SEMA3A: variants seen among roughly 807,000 people sequenced by gnomAD.
SEMA3A encodes semaphorin-3A.
In SEMA3A, 29 loss-of-function variants were observed where a neutral mutation model predicts 97.9. That is an observed-to-expected ratio of 0.30 (90% CI 0.22 to 0.40). The LOEUF (loss-of-function observed/expected upper bound fraction) is 0.40, where lower values mean the gene tolerates loss of function less well. Ranked by LOEUF, SEMA3A falls within the 10% of genes least tolerant of loss-of-function variation. SEMA3A has a pLI of 1.00. For synonymous variants in SEMA3A, 321 were observed against 323.7 expected (o/e 0.99, Z 0.09); for missense variants, 763 against 951.3 (o/e 0.80, Z 2.60).
intron 1 of SEMA3A, among the ~76,000 whole-genome samples, chr7:84,461,449 T>A (rs563290047): frequency 7.1e-6 from 1 of 140,646 alleles, no homozygotes; most frequent in Non-Finnish European, 1.5e-5. Context: ...TTTTGATGCA[T>A]AAATACTTGG....
intron 3 of SEMA3A, chr7:84,307,186 G>A (rs1801181888): frequency 6.6e-6 from 1 of 152,070 alleles, no homozygotes; most frequent in African/African-American, 2.4e-5. Flanking sequence ...ATGCCAATGT[G>A]TATAAGTTTA....
intron 1 of SEMA3A, among the ~76,000 whole-genome samples, chr7:84,379,948 T>C (rs1266094561): frequency 6.6e-6 from 1 of 152,160 alleles, no homozygotes; most frequent in Non-Finnish European, 1.5e-5. Context: ...CTATTTTAAT[T>C]CAAATATTAA....
At chr7:84,383,924 T>C (rs1228035001) in intron 1 of SEMA3A, among the ~76,000 whole-genome samples, 2 of 152,224 alleles carry the variant, frequency 1.3e-5, no homozygotes, top group Non-Finnish European at 2.9e-5. Flanking sequence ...TGATCATGAA[T>C]TATTTAAGAG....
intron 4 of SEMA3A, among the ~76,000 whole-genome samples, chr7:84,069,467 T>A (rs562535797): frequency 1.3e-5 from 2 of 152,266 alleles, no homozygotes; most frequent in African/African-American, 4.8e-5. Context: ...AAATATCTTA[T>A]GTCACAGTAG....
chr7:84,024,403 G>A (rs923516102), intron 6 of SEMA3A, among the ~76,000 whole-genome samples: 1 of 151,530 alleles, frequency 6.6e-6, no homozygotes, highest in South Asian at 2.1e-4. Context: ...AAAATTAGAC[G>A]AGTATGGTGG....
intron 3 of SEMA3A, among the ~76,000 whole-genome samples, chr7:84,120,354 T>C (rs1243128679): frequency 6.6e-6 from 1 of 152,186 alleles, no homozygotes; most frequent in African/African-American, 2.4e-5. Context: ...GTTTAATTAC[T>C]TGAAAAGAAA....
intron 1 of SEMA3A, among the ~76,000 whole-genome samples, chr7:84,427,309 A>G (rs1804852891): frequency 6.6e-6 from 1 of 152,152 alleles, no homozygotes; most frequent in Admixed American, 6.6e-5. Context: ...ATGACTAGGA[A>G]TTACAAAGGC....
intron 3 of SEMA3A, among the ~76,000 whole-genome samples, chr7:84,276,132 A>G (rs896411666): frequency 1.3e-5 from 2 of 151,988 alleles, no homozygotes; most frequent in Non-Finnish European, 2.9e-5. Context: ...CCCAACATCT[A>G]TTCTTTAATT....
chr7:84,373,337 C>G (rs868136357), intron 1 of SEMA3A, among the ~76,000 whole-genome samples: 35 of 152,306 alleles, frequency 2.3e-4, no homozygotes, highest in African/African-American at 8.4e-4. Context: ...TCATCTACAA[C>G]CTTGCCCAAA....
chr7:84,397,356 A>T (rs1185646568), intron 1 of SEMA3A, among the ~76,000 whole-genome samples: 1 of 150,068 alleles, frequency 6.7e-6, no homozygotes, highest in African/African-American at 2.4e-5. Flanking sequence ...AATGTTTCTC[A>T]AATCTATGCA....
In SEMA3A at chr7:84,007,392, C is replaced by T; in HGVS notation, c.1101G>A (p.Val367=). 2 of 1,609,896 alleles carry T rather than the reference C, an allele frequency of 1.2e-6. No homozygotes were observed. Among genetic ancestry groups the T allele is most frequent in the Non-Finnish European group, 1.7e-6 (2 of 1,178,004 alleles). The change falls in exon 10 of 17, where the codon GTG becomes GTA. Residue 367 remains valine, a synonymous_variant. Transcript: ENST00000265362. The stretch of plus-strand genomic sequence containing the variant: ...GATAGGGGACTCTTCCTTGATAAGG[C>T]ACCCATTGATAGTTGGGTCCATCCC... ...AHRDGPNYQW[V]PYQGRVPYPR...
At chr7:84,369,866 C>T (rs866411582) in intron 2 of SEMA3A, among the ~76,000 whole-genome samples, 36 of 149,136 alleles carry the variant, frequency 2.4e-4, no homozygotes, top group African/African-American at 9.0e-4. Flanking sequence ...TACTAATTTT[C>T]TTTCAGATCA....
chr7:84,420,743 T>C (rs576680714), intron 1 of SEMA3A, among the ~76,000 whole-genome samples: 4 of 152,230 alleles, frequency 2.6e-5, no homozygotes, highest in African/African-American at 9.6e-5. Context: ...CAGGAATTTA[T>C]TCATTTCTTC....
chr7:84,128,810 T>C (rs1211315863), intron 3 of SEMA3A, among the ~76,000 whole-genome samples: 2 of 152,092 alleles, frequency 1.3e-5, no homozygotes, highest in Admixed American at 6.6e-5. Flanking sequence ...GACCCACAAG[T>C]GGAAAATTCC....
chr7:84,228,464 CCTCT>C (rs1388023380), intron 3 of SEMA3A, among the ~76,000 whole-genome samples: 3 of 151,926 alleles, frequency 2.0e-5, no homozygotes, highest in Admixed American at 1.3e-4. Flanking sequence ...CCATCCAAAA[CCTCT>C]CTCTATCTTG....
At chr7:84,215,604 T>C (rs762845184) in intron 3 of SEMA3A, among the ~76,000 whole-genome samples, 1 of 150,054 alleles carries the variant, frequency 6.7e-6, no homozygotes, top group Admixed American at 6.6e-5. Flanking sequence ...TATTGCCATC[T>C]GCCATATTAT....
At chr7:84,146,991 C>A (rs1369682461) in intron 1 of SEMA3A, among the ~76,000 whole-genome samples, 1 of 152,132 alleles carries the variant, frequency 6.6e-6, no homozygotes, top group Non-Finnish European at 1.5e-5. Flanking sequence ...ATTAATTTTT[C>A]AGGCAGTCTT....
intron 5 of SEMA3A, among the ~76,000 whole-genome samples, chr7:84,051,574 T>C (rs1792656023): frequency 6.6e-6 from 1 of 152,334 alleles, no homozygotes; most frequent in East Asian, 1.9e-4. Context: ...TCCTGAGACT[T>C]TGCTGAAGTT....
intron 1 of SEMA3A, among the ~76,000 whole-genome samples, chr7:84,449,090 G>T (rs1805497124): frequency 6.6e-6 from 1 of 152,134 alleles, no homozygotes; most frequent in African/African-American, 2.4e-5. Flanking sequence ...AACTGCATAT[G>T]CAAAAGAATA....
Sources: gnomAD v4.1 joint callset for allele counts (sites outside exome capture counted in the v4.1 genomes callset) on GRCh38, gnomAD v4.1.1 for gene constraint, MANE v1.5 for transcripts, NCBI Gene and HGNC (gene_info 2026-07-23, HGNC 2026-07-21) for gene names.